RASSF4: variants seen among roughly 807,000 people sequenced by gnomAD.
RASSF4 encodes Ras association domain family member 4, also known as ras association domain-containing protein 4.
In RASSF4, 38 loss-of-function variants were observed where a neutral mutation model predicts 41.1. The ratio of observed to expected loss-of-function variants is 0.92; its 90% CI spans 0.71 to 1.21. The LOEUF is 1.21. Ranked by LOEUF, RASSF4 falls within the 50% of genes most tolerant of loss-of-function variation. RASSF4 has a pLI of 0.00. For synonymous variants in RASSF4, 179 were observed against 163.4 expected, an observed-to-expected ratio of 1.10 and a Z score of -0.73; for missense variants, 414 against 419.4, an observed-to-expected ratio of 0.99 and a Z score of 0.11.
chr10:44,989,316 A>T lies in RASSF4; in HGVS notation c.574A>T (p.Arg192Trp), dbSNP rs764221827. 1 of 1,613,926 alleles carries T rather than the reference A, an allele frequency of 6.2e-7. No homozygotes were observed. The highest frequency in any genetic ancestry group is 1.7e-5 in the Admixed American group (1 of 60,028). The change falls in exon 7 of 11, where the codon AGG (arginine) becomes TGG (tryptophan). Residue 192 changes from arginine to tryptophan, a missense_variant. Physicochemically the swap from Arg to Trp is moderately radical, Grantham distance 101. Transcript: ENST00000340258. ...TPAYGSVTNV[R>W]VNSTMTTLQV... ...AGCCTATGGATCCGTGACCAATGTG[A>T]GGGTCAACAGCACCATGACAACCCT...
At chr10:44,990,893 C>T in intron 8 of RASSF4, 55 bp from the exon 9 acceptor site, 1 of 1,569,384 alleles carries the variant, frequency 6.4e-7, no homozygotes, top group Non-Finnish European at 8.7e-7. Context: ...TAATCTGGAA[C>T]AGACAGAGGT....
chr10:44,967,859 G>A (rs776451970), intron 1 of RASSF4, among the ~76,000 whole-genome samples: 5 of 152,176 alleles, frequency 3.3e-5, no homozygotes, highest in Admixed American at 6.5e-5. Context: ...GGGAAGAGAC[G>A]ATGGGGCAGA....
At chr10:44,987,053 G>A (rs1296869981) in intron 6 of RASSF4, among the ~76,000 whole-genome samples, 2 of 152,196 alleles carry the variant, frequency 1.3e-5, no homozygotes, top group African/African-American at 4.8e-5. Flanking sequence ...GAAACACAGT[G>A]TCTTGTTAAC....
intron 8 of RASSF4, 134 bp downstream of exon 8, chr10:44,989,855 A>G: frequency 1.3e-6 from 1 of 761,416 alleles, no homozygotes; most frequent in South Asian, 1.5e-5. Flanking sequence ...GGGCTAGGGC[A>G]CACTGTGCCT....
At chr10:44,961,265 G>T (rs1415246170) in intron 1 of RASSF4, among the ~76,000 whole-genome samples, 1 of 152,234 alleles carries the variant, frequency 6.6e-6, no homozygotes, top group African/African-American at 2.4e-5. Flanking sequence ...AGATTGGGTT[G>T]TATTTCCACC....
At chr10:44,972,972 C>T (rs889767555) in intron 3 of RASSF4, among the ~76,000 whole-genome samples, 2 of 152,350 alleles carry the variant, frequency 1.3e-5, no homozygotes, top group South Asian at 4.1e-4. Flanking sequence ...TGCTGCCAGA[C>T]GGCCTCAGCC....
chr10:44,964,969 GA>G (rs1840847536), intron 1 of RASSF4, among the ~76,000 whole-genome samples: 1 of 152,236 alleles, frequency 6.6e-6, no homozygotes, highest in African/African-American at 2.4e-5. Context: ...TGGAGCTCAG[GA>G]AAAACAGGTC....
At chr10:44,985,017 C>A in intron 6 of RASSF4, 47 bp downstream of exon 6, 1 of 1,579,840 alleles carries the variant, frequency 6.3e-7, no homozygotes, top group Non-Finnish European at 8.6e-7. Context: ...GGGAGCCAGG[C>A]CTGAGCACAG....
chr10:44,960,095 C>G (rs72780655), intron 1 of RASSF4, among the ~76,000 whole-genome samples: 14,786 of 152,274 alleles, frequency 0.097, 970 homozygotes, highest in East Asian at 0.3. Context: ...ACAACCTGAG[C>G]AAGACAGATG....
chr10:44,979,992 C>A (rs1841637202), intron 3 of RASSF4, among the ~76,000 whole-genome samples: 1 of 152,112 alleles, frequency 6.6e-6, no homozygotes, highest in African/African-American at 2.4e-5. Flanking sequence ...CCCTGGGAAG[C>A]TCCTGCACTC....
At chr10:44,981,101 C>CCA (rs1841688922) in intron 3 of RASSF4, 1 of 152,084 alleles carries the variant, frequency 6.6e-6, no homozygotes, top group South Asian at 2.1e-4. Flanking sequence ...ACCATGAAAT[C>CCA]CACATTGTGC....
At chr10:44,974,493 C>T (rs1389871434) in intron 3 of RASSF4, among the ~76,000 whole-genome samples, 2 of 152,236 alleles carry the variant, frequency 1.3e-5, no homozygotes, top group African/African-American at 4.8e-5. Context: ...GAGGTCTCCA[C>T]CCAGTATCAG....
intron 7 of RASSF4, 71 bp from the exon 8 acceptor site, chr10:44,989,599 G>A: frequency 7.1e-7 from 1 of 1,417,672 alleles, no homozygotes; most frequent in Non-Finnish European, 1.0e-6. Context: ...TGTAGTTACT[G>A]TCAGGGGACC....
Position 44,970,388 on chromosome 10 carries a change from G to T in RASSF4, c.62+124G>T. 3.9e-6 allele frequency: 3 copies of T among 761,602 alleles called. No homozygotes were observed. The South Asian group carries it at 4.7e-5, about 12-fold the overall frequency. 47.2% of individuals were successfully genotyped at this position (761,602 alleles called of 1,614,324 possible). Reference sequence around the variant, plus strand: ...AGAGATCTGATGGGGTGCCCTGGGGGACAGTGATGGGGTGCTTCTTTTTGA... The same window carrying T: ...AGAGATCTGATGGGGTGCCCTGGGGTACAGTGATGGGGTGCTTCTTTTTGA... On this transcript the variant is annotated intron_variant, in intron 2 of 10. Transcript: ENST00000340258.
chr10:44,970,345 G>A (rs1841099691), intron 2 of RASSF4, 81 bp downstream of exon 2: 1 of 1,158,902 alleles, frequency 8.6e-7, no homozygotes, highest in Non-Finnish European at 1.3e-6. Flanking sequence ...TAGGTGGAGG[G>A]GTTCTGAGCA....
At chr10:44,970,465 TG>T (rs1371249009) in intron 2 of RASSF4, 4 of 570,272 alleles carry the variant, frequency 7.0e-6, no homozygotes, top group Non-Finnish European at 1.2e-5. Flanking sequence ...CTGGGAGGCA[TG>T]GGCAATAGAA....
chr10:44,970,325 G>A (rs1564453242), intron 2 of RASSF4, 61 bp downstream of exon 2: 1 of 1,420,740 alleles, frequency 7.0e-7, no homozygotes, highest in Non-Finnish European at 1.0e-6. Context: ...CCCTCATCCT[G>A]GGCAGCCTTT....
Position 44,984,930 on chromosome 10 carries a change from G to GACACCGGTTCTCTATCAACGGCC in RASSF4, c.494_516dup (p.Phe173ThrfsTer24). 3 of 1,613,094 alleles carry GACACCGGTTCTCTATCAACGGCC rather than the reference G, an allele frequency of 1.9e-6. No homozygotes were observed. Among genetic ancestry groups the GACACCGGTTCTCTATCAACGGCC allele is most frequent in the Non-Finnish European group, 1.7e-6 (2 of 1,179,970 alleles). On this transcript the variant is annotated frameshift_variant, in exon 6 of 11. Transcript: ENST00000340258. LOFTEE classifies it high-confidence loss of function. ...CCCGGTGAGGCCCAGCGCATCCGGC[G>GACACCGGTTCTCTATCAACGGCC]ACACCGGTTCTCTATCAACGGCCAC...
intron 8 of RASSF4, among the ~76,000 whole-genome samples, chr10:44,990,201 C>T (rs570413940): frequency 6.6e-6 from 1 of 152,206 alleles, no homozygotes; most frequent in African/African-American, 2.4e-5. Context: ...GATCTTGTTT[C>T]TCTTCAAGCT....
Sources: gnomAD v4.1 joint callset for allele counts (sites outside exome capture counted in the v4.1 genomes callset) on GRCh38, gnomAD v4.1.1 for gene constraint, MANE v1.5 for transcripts, NCBI Gene and HGNC (gene_info 2026-07-23, HGNC 2026-07-21) for gene names.